Variants in SETBP1 observed in about 807,000 individuals in gnomAD.
The protein encoded by SETBP1 is SET binding protein 1, also known as SET-binding protein.
SETBP1 carries 9 observed loss-of-function variants against 101.0 expected under a neutral mutation model. The ratio of observed to expected loss-of-function variants is 0.09; its 90% CI spans 0.05 to 0.16. The LOEUF (loss-of-function observed/expected upper bound fraction) is 0.16. Among genes scored for constraint, SETBP1 ranks in the 10% least tolerant of loss-of-function variants. The pLI, the probability that SETBP1 is intolerant of heterozygous loss-of-function variation, is 1.00. For missense variants in SETBP1, 1,858 were observed against 2,033.8 expected (o/e 0.91, Z 1.66); for synonymous variants, 818 against 788.5 (o/e 1.04, Z -0.63).
At position 44,909,559 on chromosome 18, in the gene SETBP1, A is replaced by G. The variant is rs1224998628; in HGVS notation, c.540+40276A>G. ...AGGCTCAGAGTAGTCTAAAGCAGAA[A>G]GCAATCAAACCACAGCTTTTTCTCT... On this transcript the variant is annotated intron_variant, in intron 3 of 5. Coordinates refer to ENST00000649279, the MANE Select transcript of SETBP1 (RefSeq NM_015559.3). Among the ~76,000 whole-genome samples, 10 of 152,240 alleles carry G rather than the reference A, an allele frequency of 6.6e-5. No homozygotes were observed. In the East Asian group the frequency reaches 1.9e-3, roughly 29 times the overall value.
intron 2 of SETBP1, among the ~76,000 whole-genome samples, chr18:44,842,803 C>T (rs970435512): frequency 3.9e-5 from 6 of 152,240 alleles, no homozygotes; most frequent in Non-Finnish European, 8.8e-5. Flanking sequence ...CCCTGCTTAC[C>T]TGTTGCCCTC....
intron 3 of SETBP1, among the ~76,000 whole-genome samples, chr18:44,883,772 AT>A (rs1044167340): frequency 2.6e-5 from 4 of 151,934 alleles, no homozygotes; most frequent in African/African-American, 7.2e-5. Flanking sequence ...GATTAAGGGA[AT>A]TTTTTTTTCC....
chr18:44,819,662 CT>C (rs1411826800), intron 2 of SETBP1, among the ~76,000 whole-genome samples: 1 of 152,266 alleles, frequency 6.6e-6, no homozygotes. Flanking sequence ...TATTTAGCAT[CT>C]TTTCACAGCC....
intron 5 of SETBP1, among the ~76,000 whole-genome samples, chr18:45,043,764 G>C (rs1303128032): frequency 6.6e-6 from 1 of 152,180 alleles, no homozygotes; most frequent in Admixed American, 6.5e-5. Context: ...ACTGTTACCT[G>C]TAGTCAAGAT....
rs1384527529 is a variant in SETBP1, at chr18:44,950,922, G to A, written c.1582G>A (p.Ala528Thr). Residue 528 changes from alanine (A) to threonine (T), a missense_variant, in exon 4 of 6, where the codon GCA becomes ACA. This residue lies in a region of SETBP1 where 581 missense variants were observed against 535.1 expected (regional missense o/e 1.09). Coordinates refer to ENST00000649279, the MANE Select transcript of SETBP1 (RefSeq NM_015559.3). Reference protein sequence around the residue: ...LPEIQHPKFAAKRRWTCSKPK... With the variant: ...LPEIQHPKFATKRRWTCSKPK... ...AGAAATCCAGCATCCAAAATTTGCT[G>A]CAAAACGAAGGTGGACTTGCAGCAA... is the stretch of plus-strand genomic sequence containing the variant. The A allele has an allele frequency of 4.3e-6, 7 of 1,614,022 alleles. No homozygotes were observed. Among genetic ancestry groups the A allele is most frequent in the Non-Finnish European group, 5.9e-6 (7 of 1,180,034 alleles).
chr18:44,999,181 G>GATA (rs1461195555), intron 4 of SETBP1, among the ~76,000 whole-genome samples: 1 of 152,052 alleles, frequency 6.6e-6, no homozygotes, highest in Admixed American at 6.5e-5. Context: ...GTTATCGGAT[G>GATA]ATAACCTTAG....
intron 4 of SETBP1, among the ~76,000 whole-genome samples, chr18:45,001,008 C>A (rs2072607056): frequency 6.6e-6 from 1 of 152,170 alleles, no homozygotes; most frequent in Non-Finnish European, 1.5e-5. Context: ...TAGAATGATT[C>A]CTTAGTATGT....
rs149695024 is a variant in SETBP1, at chr18:44,967,266, G to A, written c.4000+13926G>A. On this transcript the variant is annotated intron_variant, in intron 4 of 5. Coordinates refer to ENST00000649279, the MANE Select transcript of SETBP1 (RefSeq NM_015559.3). The stretch of plus-strand genomic sequence containing the variant: ...AAAGCTCACTGAGTAGGCATTATCC[G>A]TAGAACTTGGGAATTCTCTGGAAAG... Among the ~76,000 whole-genome samples, 184 of 152,282 alleles carry A rather than the reference G, an allele frequency of 1.2e-3. 1 individual carries two copies. The highest frequency in any genetic ancestry group is 3.7e-3 in the African/African-American group (152 of 41,564).
At chr18:44,789,330 A>G (rs890281600) in intron 2 of SETBP1, among the ~76,000 whole-genome samples, 2 of 152,220 alleles carry the variant, frequency 1.3e-5, no homozygotes, top group Non-Finnish European at 2.9e-5. Context: ...TTGTTGGTAT[A>G]CTTTCCAGCT....
At chr18:44,991,148 C>T (rs527908180) in intron 4 of SETBP1, among the ~76,000 whole-genome samples, 9 of 146,258 alleles carry the variant, frequency 6.2e-5, no homozygotes, top group South Asian at 2.2e-4. Flanking sequence ...GAGACTAAGG[C>T]GAGAGAATTG....
chr18:45,048,487 A>G (rs1047258805), intron 5 of SETBP1, among the ~76,000 whole-genome samples: 1 of 152,202 alleles, frequency 6.6e-6, no homozygotes, highest in African/African-American at 2.4e-5. Context: ...TTAGAAAATG[A>G]TATGTATCCT....
rs567878729 is a variant in SETBP1, at chr18:44,833,962, A to G, written c.487-35268A>G. On this transcript the variant is annotated intron_variant, in intron 2 of 5. Coordinates refer to ENST00000649279, the MANE Select transcript of SETBP1 (RefSeq NM_015559.3). Reference sequence around the variant, plus strand: ...GAAAATAAATTGTTCTGCATAAGAAATGATTGAAAATTTTAACGTAGGTGT... The same window carrying G: ...GAAAATAAATTGTTCTGCATAAGAAGTGATTGAAAATTTTAACGTAGGTGT... Among the ~76,000 whole-genome samples, 3 of 152,360 alleles carry G rather than the reference A, an allele frequency of 2.0e-5. No individual in the cohort carries two copies. In the South Asian group the frequency reaches 6.2e-4, roughly 32 times the overall value.
At chr18:44,867,548 G>C (rs951915787) in intron 2 of SETBP1, among the ~76,000 whole-genome samples, 4 of 152,086 alleles carry the variant, frequency 2.6e-5, no homozygotes, top group Non-Finnish European at 5.9e-5. Context: ...CAAACTTTAG[G>C]TTCCTTTAAG....
At position 44,943,460 on chromosome 18, in the gene SETBP1, C is replaced by T. The variant is rs186491958; in HGVS notation, c.541-6421C>T. The stretch of plus-strand genomic sequence containing the variant: ...TATCAGAGCCTCTCTAGTCCTTAAC[C>T]CAGACCCTGTCTTTGATATAATCCA... On this transcript the variant is annotated intron_variant, in intron 3 of 5. Transcript: ENST00000649279. Among the ~76,000 whole-genome samples, 9 of 152,360 alleles carry T rather than the reference C, an allele frequency of 5.9e-5. 1 individual carries two copies. Among genetic ancestry groups the T allele is most frequent in the South Asian group, 2.1e-4 (1 of 4,834 alleles).
intron 3 of SETBP1, among the ~76,000 whole-genome samples, chr18:44,945,554 C>G (rs2071187631): frequency 1.3e-5 from 2 of 152,074 alleles, no homozygotes; most frequent in African/African-American, 2.4e-5. Flanking sequence ...CACAAACAAT[C>G]AACTCTTGGG....
intron 5 of SETBP1, among the ~76,000 whole-genome samples, chr18:45,047,600 A>G (rs1483598441): frequency 2.0e-5 from 3 of 152,194 alleles, no homozygotes; most frequent in Non-Finnish European, 4.4e-5. Context: ...CTTGGTTCCA[A>G]TAAAGTTGGC....
intron 2 of SETBP1, among the ~76,000 whole-genome samples, chr18:44,792,761 G>A (rs2071395484): frequency 6.6e-6 from 1 of 152,066 alleles, no homozygotes; most frequent in South Asian, 2.1e-4. Context: ...CTTTCCAAAG[G>A]AGAACAACCT....
chr18:44,790,599 C>T (rs774324878), intron 2 of SETBP1, among the ~76,000 whole-genome samples: 1 of 152,194 alleles, frequency 6.6e-6, no homozygotes, highest in African/African-American at 2.4e-5. Context: ...AGTATATTCC[C>T]AGGATTCCTT....
intron 4 of SETBP1, among the ~76,000 whole-genome samples, chr18:44,998,691 G>A (rs1354973318): frequency 6.6e-6 from 1 of 152,226 alleles, no homozygotes; most frequent in Non-Finnish European, 1.5e-5. Context: ...GCAGTCTGAA[G>A]TTAAGCACTC....
Sources: gnomAD v4.1 joint callset for allele counts (sites outside exome capture counted in the v4.1 genomes callset) on GRCh38, gnomAD v4.1.1 for gene constraint, gnomAD v4.1.1 regional missense constraint, MANE v1.5 for transcripts, NCBI Gene and HGNC (gene_info 2026-07-23, HGNC 2026-07-21) for gene names.